RAD51B: variants seen among roughly 807,000 people sequenced by gnomAD.
RAD51B encodes DNA repair protein RAD51 homolog 2.
A neutral mutation model predicts 42.2 loss-of-function variants in RAD51B; 38 were observed. The ratio of observed to expected loss-of-function variants is 0.90; its 90% CI spans 0.70 to 1.18. RAD51B has a LOEUF of 1.18. Among genes scored for constraint, RAD51B ranks in the 50% most tolerant of loss-of-function variants. The pLI, the probability that RAD51B is intolerant of heterozygous loss-of-function variation, is 0.00. For synonymous variants in RAD51B, 154 were observed against 145.2 expected (o/e 1.06, Z -0.43); for missense variants, 373 against 400.7 (o/e 0.93, Z 0.59).
intron 4 of RAD51B, among the ~76,000 whole-genome samples, chr14:67,853,213 T>G (rs944905609): frequency 1.3e-5 from 2 of 152,160 alleles, no homozygotes; most frequent in African/African-American, 4.8e-5. Flanking sequence ...TTGAATGAAC[T>G]TGGAAGTTGA....
chr14:67,992,537 T>C (rs2075312674), intron 7 of RAD51B, among the ~76,000 whole-genome samples: 1 of 152,168 alleles, frequency 6.6e-6, no homozygotes, highest in Admixed American at 6.5e-5. Context: ...CTACTCTTTT[T>C]GGTGGTGTGT....
intron 7 of RAD51B, among the ~76,000 whole-genome samples, chr14:68,029,006 T>C (rs887731975): frequency 1.3e-5 from 2 of 152,212 alleles, no homozygotes; most frequent in Non-Finnish European, 2.9e-5. Context: ...GGTTCCCCTG[T>C]AGCTAGGATT....
At chr14:68,467,474 C>T (rs1380700658) in intron 9 of RAD51B, among the ~76,000 whole-genome samples, 2 of 152,232 alleles carry the variant, frequency 1.3e-5, no homozygotes, top group Non-Finnish European at 2.9e-5. Flanking sequence ...ATCTATTGCC[C>T]TTCTTCTGAG....
chr14:68,392,302 T>C (rs1250301984), intron 8 of RAD51B, among the ~76,000 whole-genome samples: 1 of 152,222 alleles, frequency 6.6e-6, no homozygotes. Flanking sequence ...TTTTTTGGAA[T>C]CTTCTTATGC....
intron 7 of RAD51B, among the ~76,000 whole-genome samples, chr14:67,937,314 G>A (rs1436668539): frequency 3.9e-5 from 6 of 152,198 alleles, no homozygotes; most frequent in Non-Finnish European, 8.8e-5. Flanking sequence ...TTACAAGCTA[G>A]TTAGAGAAAT....
At chr14:68,083,011 G>A (rs1046283244) in intron 7 of RAD51B, among the ~76,000 whole-genome samples, 2 of 152,126 alleles carry the variant, frequency 1.3e-5, no homozygotes, top group Non-Finnish European at 2.9e-5. Flanking sequence ...ATATATGCTG[G>A]ATCACAACTC....
chr14:68,256,814 A>G (rs1482218144), intron 7 of RAD51B, among the ~76,000 whole-genome samples: 1 of 152,226 alleles, frequency 6.6e-6, no homozygotes, highest in Non-Finnish European at 1.5e-5. Context: ...CTTTTGGCAC[A>G]GGAAGCGATT....
At chr14:68,280,733 A>T (rs990837923) in intron 7 of RAD51B, among the ~76,000 whole-genome samples, 8 of 152,200 alleles carry the variant, frequency 5.3e-5, no homozygotes, top group Non-Finnish European at 1.2e-4. Context: ...AAAGTCTTGT[A>T]CTAAGTTACT....
intron 7 of RAD51B, among the ~76,000 whole-genome samples, chr14:67,927,739 ATATAT>A (rs1354030752): frequency 1.4e-5 from 2 of 144,968 alleles, no homozygotes; most frequent in Admixed American, 6.7e-5. Flanking sequence ...GTATTATATA[ATATAT>A]TCATTGTGTG....
rs139458954 is a variant in RAD51B, at chr14:68,193,055, C to T, written c.757-98829C>T. 1.2e-4 allele frequency among the ~76,000 whole-genome samples: 18 copies of T among 152,224 alleles called. No individual in the cohort carries two copies. The East Asian group carries it at 3.1e-3, about 26-fold the overall frequency. On this transcript the variant is annotated intron_variant, in intron 7 of 10. Transcript: ENST00000471583. ...TTTTACTGATAACATTTTTGTGGATCTCATTCAGGTAAACTTTTCTTCTTC... is the reference window on the plus strand; with the variant it reads ...TTTTACTGATAACATTTTTGTGGATTTCATTCAGGTAAACTTTTCTTCTTC...
At chr14:67,936,765 A>G (rs1193078385) in intron 7 of RAD51B, among the ~76,000 whole-genome samples, 3 of 152,216 alleles carry the variant, frequency 2.0e-5, no homozygotes, top group Non-Finnish European at 4.4e-5. Context: ...AAAAATTACA[A>G]TAATCCTTGT....
intron 7 of RAD51B, among the ~76,000 whole-genome samples, chr14:68,093,759 C>T (rs1038852788): frequency 2.6e-5 from 4 of 152,128 alleles, no homozygotes; most frequent in African/African-American, 7.2e-5. Context: ...AATGTGTTTG[C>T]TCTTGCCTCT....
intron 8 of RAD51B, among the ~76,000 whole-genome samples, chr14:68,405,567 A>G (rs1050408120): frequency 2.0e-5 from 3 of 152,202 alleles, no homozygotes; most frequent in South Asian, 2.1e-4. Flanking sequence ...TTTAAAGTCT[A>G]TAGTAGACTA....
chr14:67,981,862 G>T (rs572299111), intron 7 of RAD51B, among the ~76,000 whole-genome samples: 1 of 152,312 alleles, frequency 6.6e-6, no homozygotes, highest in South Asian at 2.1e-4. Context: ...GGTTAAAGAA[G>T]TTTTAACTAT....
At chr14:68,459,610 G>C (rs17105667) in intron 9 of RAD51B, among the ~76,000 whole-genome samples, 2,232 of 152,262 alleles carry the variant, frequency 0.015, 57 homozygotes, top group African/African-American at 0.051. Flanking sequence ...ATTTATCAAC[G>C]ACCACGTAAT....
intron 10 of RAD51B, among the ~76,000 whole-genome samples, chr14:68,636,022 A>T (rs1244626600): frequency 6.6e-6 from 1 of 151,930 alleles, no homozygotes; most frequent in East Asian, 1.9e-4. Flanking sequence ...CAGTCATTTC[A>T]CCTGCTAATA....
intron 7 of RAD51B, among the ~76,000 whole-genome samples, chr14:68,057,779 G>A (rs1213794949): frequency 6.7e-6 from 1 of 150,368 alleles, no homozygotes; most frequent in Non-Finnish European, 1.5e-5. Context: ...AATAAAATCT[G>A]CCATCTTATC....
intron 8 of RAD51B, among the ~76,000 whole-genome samples, chr14:68,301,338 C>T (rs184489725): frequency 3.3e-5 from 5 of 152,132 alleles, no homozygotes; most frequent in Admixed American, 2.6e-4. Context: ...GGACTCTAGG[C>T]CAGAGATAGA....
At chr14:67,990,452 A>G (rs936403451) in intron 7 of RAD51B, among the ~76,000 whole-genome samples, 2 of 152,216 alleles carry the variant, frequency 1.3e-5, no homozygotes, top group African/African-American at 2.4e-5. Context: ...TCTTTTTGCC[A>G]TACAACCCGT....
Sources: allele counts gnomAD v4.1 joint callset (sites outside exome capture counted in the v4.1 genomes callset), GRCh38; gene constraint gnomAD v4.1.1; transcripts MANE v1.5; gene names NCBI Gene and HGNC (gene_info 2026-07-23, HGNC 2026-07-21).